PCDHA6: variants seen among roughly 807,000 people sequenced by gnomAD.
PCDHA6 encodes protocadherin alpha-6.
PCDHA6 carries 55 observed loss-of-function variants against 60.3 expected under a neutral mutation model. The observed-to-expected ratio is 0.91, with a 90% CI of 0.73 to 1.14. PCDHA6 has a LOEUF of 1.14. Ranked by LOEUF, PCDHA6 falls within the 50% of genes most tolerant of loss-of-function variation. The pLI is 0.00. For synonymous variants in PCDHA6, 652 were observed against 557.9 expected, an observed-to-expected ratio of 1.17 and a Z score of -2.38; for missense variants, 1,327 against 1,256.5, an observed-to-expected ratio of 1.06 and a Z score of -0.85.
intron 1 of PCDHA6, among the ~76,000 whole-genome samples, chr5:140,932,168 A>G (rs1279324749): frequency 1.3e-5 from 2 of 151,944 alleles, no homozygotes; most frequent in African/African-American, 4.8e-5. Flanking sequence ...ACAATTAGAC[A>G]ATGTGTACCT....
chr5:141,009,889 G>A lies in PCDHA6; in HGVS notation c.2805G>A (p.Gln935=). ...KKKKKKGNKT[Q]EKKEKGNSTT... is the part of the protein sequence containing the mutation. ...AAAAGAAGAAGGGTAACAAGACCCAGGAGAAAAAAGAGAAAGGGAACAGCA... is the reference window on the plus strand; with the variant it reads ...AAAAGAAGAAGGGTAACAAGACCCAAGAGAAAAAAGAGAAAGGGAACAGCA... Residue 935 remains glutamine, a synonymous_variant, in exon 4 of 4, where the codon CAG becomes CAA. Transcript: ENST00000529310. 6.2e-7 allele frequency: 1 copy of A among 1,612,866 alleles called. No homozygotes were observed. Among genetic ancestry groups the A allele is most frequent in the South Asian group, 1.1e-5 (1 of 90,852 alleles).
At chr5:140,849,747 G>C (rs2150448012) in intron 1 of PCDHA6, 5 of 1,598,444 alleles carry the variant, frequency 3.1e-6, no homozygotes, top group Non-Finnish European at 4.3e-6. Context: ...CCGCGAGAGT[G>C]TGTCCGCCTA....
intron 1 of PCDHA6, among the ~76,000 whole-genome samples, chr5:140,937,239 G>C (rs1331547271): frequency 2.0e-5 from 3 of 151,804 alleles, no homozygotes; most frequent in African/African-American, 7.3e-5. Context: ...GGGTTTCACC[G>C]TGTTAGCCAG....
chr5:140,924,668 GC>G (rs2081945881), intron 1 of PCDHA6, among the ~76,000 whole-genome samples: 1 of 152,142 alleles, frequency 6.6e-6, no homozygotes, highest in Admixed American at 6.5e-5. Context: ...GCCGAGGCAG[GC>G]CAATCACTTG....
At chr5:140,921,500 A>G (rs2080246724) in intron 1 of PCDHA6, among the ~76,000 whole-genome samples, 1 of 152,210 alleles carries the variant, frequency 6.6e-6, no homozygotes, top group Admixed American at 6.5e-5. Context: ...AGTTTATTAG[A>G]TAGTGCCTAA....
chr5:140,843,298 G>A, intron 1 of PCDHA6: 1 of 1,595,982 alleles, frequency 6.3e-7, no homozygotes, highest in Non-Finnish European at 8.6e-7. Context: ...AACCTGCGCT[G>A]ACCGCCACGG....
intron 1 of PCDHA6, chr5:140,850,726 C>T (rs781908002): frequency 6.3e-7 from 1 of 1,597,804 alleles, no homozygotes; most frequent in Non-Finnish European, 8.6e-7. Flanking sequence ...TGTTCTAGCG[C>T]GGTGGGGAGT....
At chr5:140,852,214 ATTTTAAT>A (rs2042272787) in intron 1 of PCDHA6, 1 of 644,752 alleles carries the variant, frequency 1.6e-6, no homozygotes, top group Non-Finnish European at 2.0e-6. Flanking sequence ...AAAACAAAAT[ATTTTAAT>A]TTTTAAATTT....
intron 1 of PCDHA6, chr5:140,866,192 G>A (rs2049201997): frequency 6.6e-6 from 1 of 152,028 alleles, no homozygotes; most frequent in Non-Finnish European, 1.5e-5. Context: ...AGAAAACTGT[G>A]GTTTCCAATA....
intron 1 of PCDHA6, among the ~76,000 whole-genome samples, chr5:140,839,661 T>C (rs1554137540): frequency 1.3e-5 from 2 of 152,120 alleles, no homozygotes; most frequent in African/African-American, 4.8e-5. Context: ...TGTTTGCTAC[T>C]ATTTAGAGTC....
intron 1 of PCDHA6, among the ~76,000 whole-genome samples, chr5:140,947,749 T>TC (rs1316656181): frequency 6.6e-6 from 1 of 151,628 alleles, no homozygotes; most frequent in Non-Finnish European, 1.5e-5. Flanking sequence ...TCTTATGTAT[T>TC]TTATGGTTTA....
In PCDHA6 at chr5:140,906,646, G is replaced by T. The variant is rs1473127161; in HGVS notation, c.2395-72303G>T. On this transcript the variant is annotated intron_variant, in intron 1 of 3. Coordinates refer to ENST00000529310, the MANE Select transcript of PCDHA6 (RefSeq NM_018909.4). ...TCAGCAAGCACCTCAGCAGGTAGTG[G>T]TTTTTTCCTGGTGTAGTGACCCAAA... Among the ~76,000 whole-genome samples the T allele has an allele frequency of 2.0e-5, 3 of 152,192 alleles. No individual in the cohort carries two copies. In the East Asian group the frequency reaches 5.8e-4, roughly 29 times the overall value.
At chr5:140,863,029 G>C (rs782621997) in intron 1 of PCDHA6, 1 of 556,606 alleles carries the variant, frequency 1.8e-6, no homozygotes, top group Non-Finnish European at 3.5e-6. Context: ...TGTCGCAACA[G>C]CTGCATCTGT....
intron 1 of PCDHA6, among the ~76,000 whole-genome samples, chr5:140,874,119 GTTTA>G (rs1582151784): frequency 6.6e-6 from 1 of 152,064 alleles, no homozygotes; most frequent in Non-Finnish European, 1.5e-5. Flanking sequence ...ACGTTTTATA[GTTTA>G]TTTAAGTTAT....
intron 3 of PCDHA6, among the ~76,000 whole-genome samples, chr5:141,005,681 G>A (rs970656529): frequency 2.7e-5 from 3 of 112,616 alleles, no homozygotes; most frequent in African/African-American, 3.6e-5. Flanking sequence ...CAGCCTGGGC[G>A]ACAGAGCGAA....
At chr5:140,927,403 C>T (rs1276847771) in intron 1 of PCDHA6, 1 of 1,614,146 alleles carries the variant, frequency 6.2e-7, no homozygotes, top group Non-Finnish European at 8.5e-7. Context: ...GCACTTTCGC[C>T]TGGACATGGG....
chr5:140,944,853 C>T (rs1230548858), intron 1 of PCDHA6, among the ~76,000 whole-genome samples: 1 of 152,118 alleles, frequency 6.6e-6, no homozygotes, highest in East Asian at 1.9e-4. Context: ...TTAGAATCAT[C>T]CTTATTTATC....
chr5:140,870,344 G>A (rs782661960), intron 1 of PCDHA6: 1 of 1,614,196 alleles, frequency 6.2e-7, no homozygotes, highest in Admixed American at 1.7e-5. Flanking sequence ...GCCCTGGACC[G>A]CGAGAACGTG....
intron 1 of PCDHA6, chr5:140,847,633 C>T (rs2150402485): frequency 0.65 from 96,440 of 148,450 alleles, 34,032 homozygotes; most frequent in African/African-American, 0.71. Context: ...ATATTGGAGA[C>T]TACAAAGAAG....
Sources: gnomAD v4.1 joint callset for allele counts (sites outside exome capture counted in the v4.1 genomes callset) on GRCh38, gnomAD v4.1.1 for gene constraint, MANE v1.5 for transcripts, NCBI Gene and HGNC (gene_info 2026-07-23, HGNC 2026-07-21) for gene names.